ARHGEF28: variants seen among roughly 807,000 people sequenced by gnomAD.
The protein encoded by ARHGEF28 is Rho guanine nucleotide exchange factor 28, also known as 190 kDa guanine nucleotide exchange factor.
Under a neutral mutation model 206.6 loss-of-function variants are expected in ARHGEF28, and 152 were observed. That is an observed-to-expected ratio of 0.74 (90% confidence interval 0.64 to 0.84). ARHGEF28 has a LOEUF of 0.84. ARHGEF28 is among the 40% of genes least tolerant of loss of function. The pLI is 0.00. For synonymous variants in ARHGEF28, 763 were observed against 776.4 expected (o/e 0.98, Z 0.29); for missense variants, 2,028 against 2,073.2 (o/e 0.98, Z 0.42).
chr5:73,840,971 A>G (rs1757954775), intron 11 of ARHGEF28, among the ~76,000 whole-genome samples: 1 of 152,248 alleles, frequency 6.6e-6, no homozygotes, highest in African/African-American at 2.4e-5. Flanking sequence ...ACGATGAGAT[A>G]CCAGTTTATA....
Position 73,840,579 on chromosome 5 carries a change from C to T in ARHGEF28, c.1246C>T (p.His416Tyr). 17 of 1,613,984 alleles carry T rather than the reference C, an allele frequency of 1.1e-5. No individual in the cohort carries two copies. Among genetic ancestry groups the T allele is most frequent in the Non-Finnish European group, 1.4e-5 (17 of 1,179,882 alleles). Residue 416 changes from histidine (H) to tyrosine (Y), a missense_variant, in exon 11 of 36, where the codon CAC becomes TAC. His to Tyr is a moderately conservative substitution (Grantham distance 83). This residue lies in a region of ARHGEF28 where 1,002 missense variants were observed against 1,015.3 expected (regional missense o/e 0.99). Coordinates refer to ENST00000513042, the MANE Select transcript of ARHGEF28 (RefSeq NM_001177693.2). Reference sequence around the variant, plus strand: ...CACTCTGTGGCCTCAGAGCAGCAAACACACCCTTCCTACAGAAACCAGTCC... The same window carrying T: ...CACTCTGTGGCCTCAGAGCAGCAAATACACCCTTCCTACAGAAACCAGTCC... ...GCTLWPQSSK[H>Y]TLPTETSPSV... is the part of the protein sequence containing the mutation.
chr5:73,785,173 G>T (rs1453541788), intron 7 of ARHGEF28, among the ~76,000 whole-genome samples: 1 of 152,162 alleles, frequency 6.6e-6, no homozygotes, highest in Non-Finnish European at 1.5e-5. Context: ...ATCCCTGATG[G>T]CAGGGGCTAC....
At chr5:73,729,642 T>C (rs780670962) in intron 2 of ARHGEF28, among the ~76,000 whole-genome samples, 2 of 152,232 alleles carry the variant, frequency 1.3e-5, no homozygotes, top group Non-Finnish European at 2.9e-5. Flanking sequence ...ATTTCTCAAG[T>C]TTATTTAGTC....
intron 16 of ARHGEF28, among the ~76,000 whole-genome samples, chr5:73,860,952 TCTC>T (rs1759360635): frequency 6.6e-6 from 1 of 152,194 alleles, no homozygotes; most frequent in Admixed American, 6.5e-5. Context: ...CCTGTGATCA[TCTC>T]CTTCCTCTCA....
intron 9 of ARHGEF28, among the ~76,000 whole-genome samples, chr5:73,830,131 G>A (rs890120330): frequency 6.6e-6 from 1 of 152,150 alleles, no homozygotes; most frequent in East Asian, 1.9e-4. Context: ...ACCAAGTAGA[G>A]CAAGTAAAGA....
At chr5:73,915,231 T>C (rs1763146007) in intron 35 of ARHGEF28, among the ~76,000 whole-genome samples, 1 of 152,192 alleles carries the variant, frequency 6.6e-6, no homozygotes, top group Non-Finnish European at 1.5e-5. Context: ...TGGCCAACTC[T>C]TGCATGGGGC....
At chr5:73,647,368 C>T (rs1256219696) in intron 1 of ARHGEF28, among the ~76,000 whole-genome samples, 1 of 152,196 alleles carries the variant, frequency 6.6e-6, no homozygotes, top group African/African-American at 2.4e-5. Context: ...ATCTGAACCA[C>T]TTCTTGTCCC....
intron 1 of ARHGEF28, among the ~76,000 whole-genome samples, chr5:73,669,110 G>T (rs72770813): frequency 0.26 from 39,431 of 151,972 alleles, 5,727 homozygotes; most frequent in African/African-American, 0.37. Context: ...TATTCTGTAG[G>T]GTGGGTGTGA....
intron 1 of ARHGEF28, among the ~76,000 whole-genome samples, chr5:73,641,092 A>T (rs190564537): frequency 5.3e-5 from 8 of 152,362 alleles, no homozygotes; most frequent in Non-Finnish European, 8.8e-5. Context: ...TTCTGTACTC[A>T]TGGTCACAAA....
intron 16 of ARHGEF28, chr5:73,863,493 A>AT: frequency 6.6e-6 from 1 of 151,888 alleles, no homozygotes; most frequent in Non-Finnish European, 1.5e-5. Context: ...TGCCACACAG[A>AT]TTCTTCTCAT....
intron 33 of ARHGEF28, 43 bp from the exon 34 acceptor site, chr5:73,909,369 G>A: frequency 6.5e-7 from 1 of 1,549,884 alleles, no homozygotes; most frequent in South Asian, 1.2e-5. Context: ...CAATAACCAT[G>A]GAACCTTGTG....
intron 1 of ARHGEF28, among the ~76,000 whole-genome samples, chr5:73,670,430 C>G (rs1746234269): frequency 6.6e-6 from 1 of 152,140 alleles, no homozygotes; most frequent in Non-Finnish European, 1.5e-5. Flanking sequence ...TGGGCTGATT[C>G]TAATTTTTGG....
intron 4 of ARHGEF28, among the ~76,000 whole-genome samples, chr5:73,764,123 T>C (rs6875883): frequency 0.022 from 3,366 of 152,334 alleles, 132 homozygotes; most frequent in African/African-American, 0.077. Flanking sequence ...GGTAGTAGGC[T>C]GGGCAGTTAT....
intron 7 of ARHGEF28, among the ~76,000 whole-genome samples, chr5:73,781,999 G>A (rs371386106): frequency 6.6e-5 from 10 of 151,946 alleles, no homozygotes; most frequent in South Asian, 4.2e-4. Context: ...ATGACAAGGC[G>A]CTTGTTCCTA....
chr5:73,780,574 C>T, intron 6 of ARHGEF28, 102 bp from the exon 7 acceptor site: 1 of 1,220,814 alleles, frequency 8.2e-7, no homozygotes, highest in Non-Finnish European at 1.1e-6. Context: ...AACCTCCTAG[C>T]TCTGAGATCA....
At chr5:73,879,418 C>T (rs1435460433) in intron 22 of ARHGEF28, among the ~76,000 whole-genome samples, 1 of 152,192 alleles carries the variant, frequency 6.6e-6, no homozygotes, top group Non-Finnish European at 1.5e-5. Context: ...GCCTTCTTCT[C>T]TCAACTCGTC....
chr5:73,705,219 C>T (rs770183305), intron 2 of ARHGEF28, among the ~76,000 whole-genome samples: 1 of 152,168 alleles, frequency 6.6e-6, no homozygotes, highest in Non-Finnish European at 1.5e-5. Context: ...GCCATTGGCA[C>T]GTTGGGACAG....
chr5:73,674,711 C>T (rs879621922), intron 1 of ARHGEF28, among the ~76,000 whole-genome samples: 14 of 152,298 alleles, frequency 9.2e-5, no homozygotes, highest in Non-Finnish European at 1.5e-4. Flanking sequence ...CAGCTCCACC[C>T]CCCAACCTCT....
At chr5:73,698,044 TATA>T (rs1748330564) in intron 2 of ARHGEF28, among the ~76,000 whole-genome samples, 1 of 152,180 alleles carries the variant, frequency 6.6e-6, no homozygotes, top group Non-Finnish European at 1.5e-5. Context: ...GGAATACAAT[TATA>T]AAAATAAAAT....
Sources: allele counts gnomAD v4.1 joint callset (sites outside exome capture counted in the v4.1 genomes callset), GRCh38; gene constraint gnomAD v4.1.1; regional missense constraint gnomAD v4.1.1; transcripts MANE v1.5; gene names NCBI Gene and HGNC (gene_info 2026-07-23, HGNC 2026-07-21).